The following SRSF4 variants were observed in gnomAD, a reference collection of about 807,000 sequenced individuals.
The protein encoded by SRSF4 is serine/arginine-rich splicing factor 4.
In SRSF4, 12 loss-of-function variants were observed where a neutral mutation model predicts 48.8. That is an observed-to-expected ratio of 0.25 (90% CI 0.16 to 0.40). SRSF4 has a LOEUF of 0.40. Ranked by LOEUF, SRSF4 falls within the 10% of genes least tolerant of loss-of-function variation. The probability of loss-of-function intolerance (pLI) is 1.00; values close to 1 mark genes in which losing one functional copy is unlikely to be tolerated. For synonymous variants in SRSF4, 248 were observed against 232.5 expected, an observed-to-expected ratio of 1.07 and a Z score of -0.61; for missense variants, 466 against 667.1, an observed-to-expected ratio of 0.70 and a Z score of 3.32.
chr1:29,148,894 C>T lies in SRSF4; in HGVS notation c.1001G>A (p.Ser334Asn). 6.2e-7 allele frequency: 1 copy of T among 1,610,412 alleles called. No individual in the cohort carries two copies. Among genetic ancestry groups the T allele is most frequent in the Non-Finnish European group, 8.5e-7 (1 of 1,177,772 alleles). ...EKSLRQSRSRSRSKGGSRSRS... is the reference protein window; with the variant it reads ...EKSLRQSRSRNRSKGGSRSRS... Reference sequence around the variant, plus strand: ...GCTCCTGCTGCCCCCTTTGCTCCTGCTCCGGCTCCGACTCTGGCGGAGGCT... The same window carrying T: ...GCTCCTGCTGCCCCCTTTGCTCCTGTTCCGGCTCCGACTCTGGCGGAGGCT... Residue 334 changes from serine to asparagine, a missense_variant, in exon 6 of 6, where the codon AGC (serine) becomes AAC (asparagine). Around this residue, in one of 2 missense-constraint regions of SRSF4, gnomAD observed 402 missense variants for 437.0 expected, o/e 0.92. Coordinates refer to ENST00000373795, the MANE Select transcript of SRSF4 (RefSeq NM_005626.5).
At chr1:29,177,321 G>T (rs1207295473) in intron 1 of SRSF4, among the ~76,000 whole-genome samples, 12 of 128,690 alleles carry the variant, frequency 9.3e-5, no homozygotes, top group Non-Finnish European at 1.5e-4. Context: ...TGCTCTTGTT[G>T]CCCAGGCTGG....
intron 1 of SRSF4, among the ~76,000 whole-genome samples, chr1:29,181,266 C>G (rs1320750557): frequency 6.6e-6 from 1 of 152,202 alleles, no homozygotes; most frequent in Non-Finnish European, 1.5e-5. Context: ...TCCAGTAGTC[C>G]TCAGAGCGGG....
In SRSF4 at chr1:29,148,867, C is replaced by T. The variant is rs770054707; in HGVS notation, c.1028G>A (p.Arg343Gln). 60 of 1,603,338 alleles carry T rather than the reference C, an allele frequency of 3.7e-5. No individual in the cohort carries two copies. The highest frequency in any genetic ancestry group is 2.0e-4 in the South Asian group (18 of 90,758). ...RSRSKGGSRS[R>Q]SRSRSKSKDK... The stretch of plus-strand genomic sequence containing the variant: ...CTTGCTCTTGCTGCGGCTCCTGCTC[C>T]GGCTCCTGCTGCCCCCTTTGCTCCT... Residue 343 changes from arginine to glutamine, a missense_variant, in exon 6 of 6, where the codon CGG (arginine) becomes CAG (glutamine). Arg to Gln is a conservative substitution (Grantham distance 43). Transcript: ENST00000373795.
intron 3 of SRSF4, among the ~76,000 whole-genome samples, chr1:29,156,285 TG>T (rs537226611): frequency 1.4e-4 from 20 of 147,766 alleles, no homozygotes; most frequent in South Asian, 1.1e-3. Flanking sequence ...ACCCAGGAGG[TG>T]GAAGTTGCAG....
chr1:29,170,097 G>A (rs1672726156), intron 1 of SRSF4: 1 of 152,108 alleles, frequency 6.6e-6, no homozygotes, highest in East Asian at 1.9e-4. Flanking sequence ...TTCCTGAAAG[G>A]GAGGGCAGAT....
At chr1:29,168,888 G>C (rs867218725) in intron 1 of SRSF4, 1 of 152,208 alleles carries the variant, frequency 6.6e-6, no homozygotes, top group South Asian at 2.1e-4. Flanking sequence ...TGAATGGTAG[G>C]AGGGAAATGG....
rs1400894682 is a variant in SRSF4, at chr1:29,160,496, A to T, written c.129T>A (p.Asp43Glu). Residue 43 changes from aspartate (D) to glutamate (E), a missense_variant, in exon 2 of 6, where the codon GAT becomes GAA. Coordinates refer to ENST00000373795, the MANE Select transcript of SRSF4 (RefSeq NM_005626.5). ...CAGCATCATCTGCATCACGCAGATC[A>T]TCAAACTCCACAAAACCATATCTAG... ...LKNGYGFVEF[D>E]DLRDADDAVY... The T allele has an allele frequency of 1.9e-6, 3 of 1,612,150 alleles. No homozygotes were observed. The African/African-American group carries it at 4.0e-5, about 22-fold the overall frequency.
chr1:29,178,455 T>C (rs1277399765), intron 1 of SRSF4, among the ~76,000 whole-genome samples: 1 of 151,324 alleles, frequency 6.6e-6, no homozygotes, highest in Non-Finnish European at 1.5e-5. Flanking sequence ...GCCATTCTCC[T>C]GCCTCAGCCT....
At chr1:29,159,513 T>C (rs778894184) in intron 2 of SRSF4, 27 bp from the exon 3 acceptor site, 4 of 1,558,904 alleles carry the variant, frequency 2.6e-6, no homozygotes, top group Non-Finnish European at 3.5e-6. Flanking sequence ...TAAATAAGAT[T>C]ATTTCAGTGG....
intron 1 of SRSF4, chr1:29,169,549 C>A (rs1672716594): frequency 6.6e-6 from 1 of 152,034 alleles, no homozygotes; most frequent in Non-Finnish European, 1.5e-5. Flanking sequence ...AACCCATATG[C>A]CATCAAAATT....
chr1:29,150,367 C>T (rs577993869), intron 4 of SRSF4, among the ~76,000 whole-genome samples, 175 bp from the exon 5 acceptor site: 5 of 152,188 alleles, frequency 3.3e-5, no homozygotes, highest in South Asian at 2.1e-4. Context: ...TGAGTTCAAG[C>T]GATTCTCCTG....
At chr1:29,159,149 C>CAAACT (rs1558389086) in intron 3 of SRSF4, among the ~76,000 whole-genome samples, 1 of 151,206 alleles carries the variant, frequency 6.6e-6, no homozygotes, top group African/African-American at 2.4e-5. Flanking sequence ...CAAACCAAAC[C>CAAACT]AAACTCACAA....
intron 1 of SRSF4, chr1:29,173,219 G>C (rs1335340811): frequency 7.5e-6 from 1 of 132,978 alleles, no homozygotes; most frequent in African/African-American, 2.9e-5. Context: ...CTCACTGCAA[G>C]CTCAGCCTCC....
In SRSF4 at chr1:29,148,899, G is replaced by GCTCCGA. The variant is rs1672354742; in HGVS notation, c.990_995dup (p.Arg335_Ser336dup). 5 of 1,611,186 alleles carry GCTCCGA rather than the reference G, an allele frequency of 3.1e-6. No homozygotes were observed. Among genetic ancestry groups the GCTCCGA allele is most frequent in the Non-Finnish European group, 3.4e-6 (4 of 1,178,186 alleles). ...TGCTGCCCCCTTTGCTCCTGCTCCGGCTCCGACTCTGGCGGAGGCTCTTCT... is the reference window on the plus strand; with the variant it reads ...TGCTGCCCCCTTTGCTCCTGCTCCGGCTCCGACTCCGACTCTGGCGGAGGCTCTTCT... On this transcript the variant is annotated inframe_insertion, in exon 6 of 6. Coordinates refer to ENST00000373795, the MANE Select transcript of SRSF4 (RefSeq NM_005626.5).
chr1:29,181,785 C>A lies in SRSF4; in HGVS notation c.-33G>T. 6.5e-7 allele frequency: 1 copy of A among 1,532,734 alleles called. No individual in the cohort carries two copies. The highest frequency in any genetic ancestry group is 8.7e-7 in the Non-Finnish European group (1 of 1,143,812). 94.9% of individuals were successfully genotyped at this position (1,532,734 alleles called of 1,614,324 possible). A position where few individuals can be genotyped will look rare whatever the true frequency, so the allele number is the denominator to read the frequency against. ...ACGGCAGTGATGGCTGGCCCCGGCC[C>A]CAGCCCCCCTTAGGCGGCGGCGGGC... is the stretch of plus-strand genomic sequence containing the variant. On this transcript the variant is annotated 5_prime_UTR_variant, in exon 1 of 6. Coordinates refer to ENST00000373795, the MANE Select transcript of SRSF4 (RefSeq NM_005626.5).
chr1:29,178,453 C>A (rs1030061483), intron 1 of SRSF4, among the ~76,000 whole-genome samples: 2 of 151,574 alleles, frequency 1.3e-5, no homozygotes, highest in African/African-American at 4.9e-5. Flanking sequence ...ACGCCATTCT[C>A]CTGCCTCAGC....
At chr1:29,167,155 TC>T (rs1672679948) in intron 1 of SRSF4, among the ~76,000 whole-genome samples, 1 of 152,244 alleles carries the variant, frequency 6.6e-6, no homozygotes, top group East Asian at 1.9e-4. Context: ...TTGCATTGTG[TC>T]AGGAAAAGTC....
At chr1:29,171,122 C>T (rs1672739394) in intron 1 of SRSF4, 1 of 152,136 alleles carries the variant, frequency 6.6e-6, no homozygotes. Flanking sequence ...TTGTACAAAT[C>T]CTTCCTCAGC....
At chr1:29,153,281 G>C (rs760225703) in intron 4 of SRSF4, among the ~76,000 whole-genome samples, 20 of 152,066 alleles carry the variant, frequency 1.3e-4, no homozygotes, top group Middle Eastern at 3.2e-3. Flanking sequence ...GGGACCACAG[G>C]CGTGTGCCAT....
Sources: allele counts gnomAD v4.1 joint callset (sites outside exome capture counted in the v4.1 genomes callset), GRCh38; gene constraint gnomAD v4.1.1; regional missense constraint gnomAD v4.1.1; transcripts MANE v1.5; gene names NCBI Gene and HGNC (gene_info 2026-07-23, HGNC 2026-07-21).